The following ARAP2 variants were observed in gnomAD, a reference collection of about 807,000 sequenced individuals.
ARAP2 encodes arf-GAP with Rho-GAP domain, ANK repeat and PH domain-containing protein 2.
A neutral mutation model predicts 194.5 loss-of-function variants in ARAP2; 148 were observed. That is an observed-to-expected ratio of 0.76 (90% CI 0.67 to 0.87). The LOEUF is 0.87. ARAP2 is among the 40% of genes least tolerant of loss of function. The probability of loss-of-function intolerance (pLI) is 0.00; values close to 1 mark genes in which losing one functional copy is unlikely to be tolerated. For synonymous variants in ARAP2, 695 were observed against 683.5 expected (o/e 1.02, Z -0.26); for missense variants, 2,128 against 1,989.7 (o/e 1.07, Z -1.32).
At chr4:36,109,606 A>G (rs1719320233) in intron 26 of ARAP2, among the ~76,000 whole-genome samples, 1 of 151,950 alleles carries the variant, frequency 6.6e-6, no homozygotes, top group Non-Finnish European at 1.5e-5. Context: ...CAATGTTATA[A>G]TTCAACTGTT....
chr4:36,207,569 T>C (rs74725125), intron 6 of ARAP2, among the ~76,000 whole-genome samples: 2,077 of 152,326 alleles, frequency 0.014, 45 homozygotes, highest in African/African-American at 0.04. Flanking sequence ...AGAATTGGCA[T>C]TTCCATTTCA....
intron 19 of ARAP2, among the ~76,000 whole-genome samples, chr4:36,146,263 C>A (rs1449880266): frequency 6.6e-6 from 1 of 151,956 alleles, no homozygotes; most frequent in Non-Finnish European, 1.5e-5. Context: ...GACTAAACAC[C>A]CACTTTCACT....
chr4:36,094,671 C>A (rs1211131172), intron 27 of ARAP2, among the ~76,000 whole-genome samples: 1 of 152,132 alleles, frequency 6.6e-6, no homozygotes, highest in African/African-American at 2.4e-5. Context: ...AGTGTTAACA[C>A]AATGGTAATA....
intron 8 of ARAP2, among the ~76,000 whole-genome samples, chr4:36,015,139 A>G (rs957500072): frequency 1.3e-5 from 2 of 152,232 alleles, no homozygotes; most frequent in African/African-American, 4.8e-5. Context: ...ATTCCCTCTT[A>G]TTTAAGAAAC....
In ARAP2 at chr4:36,041,141, A is replaced by C. The variant is rs557853208; in HGVS notation, n.607+4838T>G. On this transcript the variant is annotated intron_variant and non_coding_transcript_variant, in intron 5 of 12. Transcript: ENST00000503225. ...TTATGTAATTTGATGACAAACACCA[A>C]AAGCAATTGCAACAAGGGCAAAAAT... 1.9e-3 allele frequency among the ~76,000 whole-genome samples: 287 copies of C among 152,298 alleles called. 1 individual carries two copies. Among genetic ancestry groups the C allele is most frequent in the African/African-American group, 6.7e-3 (277 of 41,570 alleles).
At chr4:36,085,348 A>G (rs1173584088) in intron 28 of ARAP2, among the ~76,000 whole-genome samples, 3 of 152,020 alleles carry the variant, frequency 2.0e-5, no homozygotes, top group Non-Finnish European at 4.4e-5. Context: ...TAGGATTTAA[A>G]TCTTTTGTCA....
chr4:36,208,282 G>T (rs1745993951), intron 6 of ARAP2, among the ~76,000 whole-genome samples: 1 of 152,138 alleles, frequency 6.6e-6, no homozygotes, highest in Non-Finnish European at 1.5e-5. Flanking sequence ...CAAATGCAGA[G>T]GCCCCTAAGG....
Position 36,068,292 on chromosome 4 carries a change from T to C in ARAP2, c.4744-14A>G, listed in dbSNP as rs375934194. The C allele has an allele frequency of 2.0e-6, 3 of 1,508,676 alleles. No individual in the cohort carries two copies. The African/African-American group carries it at 4.2e-5, about 21-fold the overall frequency. The allele number at this position is 1,508,676 out of a possible 1,614,324, so 93.5% of individuals were successfully genotyped here. A position where few individuals can be genotyped will look rare whatever the true frequency, so the allele number is the denominator to read the frequency against. ...TGCTCTTGCACTCTAAAAATAAAAT[T>C]AAATGTCTCACAGGGAAGCAAGATT... is the stretch of plus-strand genomic sequence containing the variant. On this transcript the variant is annotated splice_polypyrimidine_tract_variant and intron_variant, in intron 32 of 32. Coordinates refer to ENST00000303965, the MANE Select transcript of ARAP2 (RefSeq NM_015230.4).
At chr4:36,103,265 A>G (rs2109442288) in intron 27 of ARAP2, among the ~76,000 whole-genome samples, 1 of 151,844 alleles carries the variant, frequency 6.6e-6, no homozygotes, top group African/African-American at 2.4e-5. Context: ...ATATCTTTAT[A>G]TATAAGTATT....
At chr4:36,180,700 T>C (rs1739033277) in intron 8 of ARAP2, among the ~76,000 whole-genome samples, 1 of 152,240 alleles carries the variant, frequency 6.6e-6, no homozygotes, top group African/African-American at 2.4e-5. Context: ...TTAGCATATA[T>C]TTCAGTTTCT....
chr4:36,165,611 C>T (rs1197075032), intron 10 of ARAP2, among the ~76,000 whole-genome samples: 1 of 150,720 alleles, frequency 6.6e-6, no homozygotes, highest in African/African-American at 2.4e-5. Context: ...CCAGATGGTT[C>T]TAAGGAACTG....
chr4:36,136,783 A>ATGTGTGTGTGTGTGTGTGTG (rs772565955), intron 19 of ARAP2, among the ~76,000 whole-genome samples: 1 of 143,802 alleles, frequency 7.0e-6, no homozygotes, highest in African/African-American at 2.6e-5. Flanking sequence ...AATCAAATAT[A>ATGTGTGTGTGTGTGTGTGTG]TGTGTGTGTG....
intron 5 of ARAP2, among the ~76,000 whole-genome samples, chr4:36,027,513 C>T (rs182131461): frequency 6.6e-6 from 1 of 151,976 alleles, no homozygotes; most frequent in East Asian, 1.9e-4. Context: ...ATCGCTGACA[C>T]TCAAATCAGA....
intron 5 of ARAP2, among the ~76,000 whole-genome samples, chr4:36,032,894 T>G (rs1719239329): frequency 6.6e-6 from 1 of 152,170 alleles, no homozygotes; most frequent in Non-Finnish European, 1.5e-5. Flanking sequence ...GTCTTAACAT[T>G]TAGCTCCCAC....
Position 36,165,142 on chromosome 4 carries a change from G to T in ARAP2, c.1974-29C>A. 1.9e-6 allele frequency: 3 copies of T among 1,610,090 alleles called. No individual in the cohort carries two copies. The South Asian group carries it at 3.3e-5, about 18-fold the overall frequency. On this transcript the variant is annotated intron_variant, in intron 10 of 32. Transcript: ENST00000303965. ...AAACAATTAACGTTTCTGTGTTATC[G>T]ATCTCCCTTGTAAAGGCCAATTAAG...
At chr4:36,167,683 A>G (rs148096722) in intron 9 of ARAP2, among the ~76,000 whole-genome samples, 153 of 152,252 alleles carry the variant, frequency 1.0e-3, no homozygotes, top group African/African-American at 3.5e-3. Flanking sequence ...TCTCCCTTCA[A>G]TCAGATTCCT....
intron 6 of ARAP2, among the ~76,000 whole-genome samples, chr4:36,016,286 GA>G (rs1224706128): frequency 8.6e-5 from 13 of 152,028 alleles, no homozygotes; most frequent in Non-Finnish European, 1.5e-4. Flanking sequence ...ATTTGAATAT[GA>G]AAAAATATAC....
intron 10 of ARAP2, 116 bp from the exon 11 acceptor site, chr4:36,165,229 C>T (rs1735007606): frequency 1.1e-6 from 1 of 950,122 alleles, no homozygotes; most frequent in South Asian, 1.6e-5. Flanking sequence ...AAAAATATGG[C>T]TGCTAGGCAG....
At chr4:36,057,783 T>C (rs2109267195) in intron 2 of ARAP2, among the ~76,000 whole-genome samples, 1 of 152,286 alleles carries the variant, frequency 6.6e-6, no homozygotes, top group Admixed American at 6.5e-5. Flanking sequence ...CAATCATTGC[T>C]GTTATTTAGT....
Sources: allele counts gnomAD v4.1 joint callset (sites outside exome capture counted in the v4.1 genomes callset), GRCh38; gene constraint gnomAD v4.1.1; transcripts MANE v1.5; gene names NCBI Gene and HGNC (gene_info 2026-07-23, HGNC 2026-07-21).